The following RAB40C variants were observed in gnomAD, a reference collection of about 807,000 sequenced individuals.
RAB40C encodes ras-related protein Rab-40C.
A neutral mutation model predicts 28.1 loss-of-function variants in RAB40C; 8 were observed. The observed-to-expected ratio is 0.28, with a 90% CI of 0.17 to 0.51. The LOEUF (loss-of-function observed/expected upper bound fraction) is 0.51, where lower values mean the gene tolerates loss of function less well. Among genes scored for constraint, RAB40C ranks in the 20% least tolerant of loss-of-function variants. The pLI, the probability that RAB40C is intolerant of heterozygous loss-of-function variation, is 0.97. For synonymous variants in RAB40C, 201 were observed against 171.7 expected (o/e 1.17, Z -1.34); for missense variants, 288 against 405.9 (o/e 0.71, Z 2.50).
intron 2 of RAB40C, among the ~76,000 whole-genome samples, chr16:617,885 G>C (rs2036620431): frequency 1.3e-5 from 2 of 152,158 alleles, no homozygotes; most frequent in Non-Finnish European, 1.5e-5. Context: ...CGTCAGCGTT[G>C]ATGAGACGTG....
Position 599,304 on chromosome 16 carries a change from C to G in RAB40C, c.142+8871C>G, listed in dbSNP as rs2036199644. 2.6e-5 allele frequency among the ~76,000 whole-genome samples: 4 copies of G among 152,356 alleles called. No individual in the cohort carries two copies. The South Asian group carries it at 8.3e-4, about 32-fold the overall frequency. On this transcript the variant is annotated intron_variant, in intron 1 of 5. Transcript: ENST00000248139. ...TCCTCAGGCTCTGCCAAGGCAGTGTCAGGCTGATGCCTGCCCGTGTCGGCC... is the reference window on the plus strand; with the variant it reads ...TCCTCAGGCTCTGCCAAGGCAGTGTGAGGCTGATGCCTGCCCGTGTCGGCC...
intron 2 of RAB40C, among the ~76,000 whole-genome samples, chr16:617,646 A>G (rs12924371): frequency 6.6e-6 from 1 of 152,066 alleles, no homozygotes; most frequent in African/African-American, 2.4e-5. Context: ...AGTCCAAGAC[A>G]AGCCTGGCCA....
intron 1 of RAB40C, among the ~76,000 whole-genome samples, chr16:598,740 CAAAAAAT>C (rs1301320544): frequency 2.0e-5 from 3 of 151,452 alleles, no homozygotes; most frequent in South Asian, 4.2e-4. Flanking sequence ...GACCCTGTCT[CAAAAAAT>C]AAAAAATAAA....
At position 627,948 on chromosome 16, in the gene RAB40C, T is replaced by G; in HGVS notation, c.*326T>G. On this transcript the variant is annotated 3_prime_UTR_variant, in exon 6 of 6. Coordinates refer to ENST00000248139, the MANE Select transcript of RAB40C (RefSeq NM_021168.5). ...ATATAGAGAACACTTCACTTTTTTG[T>G]ACATTTTTAAGGGGCCTTCAGGGAA... 1 of 297,664 alleles carries G rather than the reference T, an allele frequency of 3.4e-6. No homozygotes were observed. The highest frequency in any genetic ancestry group is 6.2e-6 in the Non-Finnish European group (1 of 161,752). 18.4% of individuals were successfully genotyped at this position (297,664 alleles called of 1,614,324 possible). A position where few individuals can be genotyped will look rare whatever the true frequency, so the allele number is the denominator to read the frequency against.
In RAB40C at chr16:625,823, T is replaced by G; in HGVS notation, c.343-76T>G. The G allele has an allele frequency of 3.7e-6, 5 of 1,362,706 alleles. No homozygotes were observed. The South Asian group carries it at 5.3e-5, about 14-fold the overall frequency. 84.4% of individuals were successfully genotyped at this position (1,362,706 alleles called of 1,614,324 possible). A position where few individuals can be genotyped will look rare whatever the true frequency, so the allele number is the denominator to read the frequency against. ...CCTCACCCCATCATAGTCCAGACAA[T>G]GAGGGCGGGCCCTGCTGCGGCTGAG... is the stretch of plus-strand genomic sequence containing the variant. On this transcript the variant is annotated intron_variant, in intron 4 of 5. Transcript: ENST00000248139.
intron 3 of RAB40C, chr16:624,768 C>G: frequency 2.3e-5 from 23 of 985,414 alleles, no homozygotes; most frequent in Non-Finnish European, 2.5e-5. Flanking sequence ...TGTGATGTCA[C>G]CGTTTCGCCC....
At chr16:623,962 T>C (rs2036774237) in intron 3 of RAB40C, 1 of 985,400 alleles carries the variant, frequency 1.0e-6, no homozygotes, top group Non-Finnish European at 1.2e-6. Flanking sequence ...CCATCCGCAG[T>C]GCTGGGACCT....
chr16:620,872 C>T (rs1272445577), intron 3 of RAB40C, among the ~76,000 whole-genome samples: 1 of 152,048 alleles, frequency 6.6e-6, no homozygotes, highest in Non-Finnish European at 1.5e-5. Context: ...AGCTCCCACA[C>T]AGGGAGGTCT....
rs1187441626 is a variant in RAB40C at position 610,592 on chromosome 16, A to G, written c.143-6616A>G. Among the ~76,000 whole-genome samples the G allele has an allele frequency of 6.6e-6, 1 of 152,200 alleles. No individual in the cohort carries two copies. The highest frequency in any genetic ancestry group is 1.5e-5 in the Non-Finnish European group (1 of 68,026). ...ACAGCACACCAAGAGAATATGTCAC[A>G]GCTGATGCCTAGGGACCCCCTTATG... On this transcript the variant is annotated intron_variant, in intron 1 of 5. Coordinates refer to ENST00000248139, the MANE Select transcript of RAB40C (RefSeq NM_021168.5). The surrounding 1 kb of genome is among the most constrained non-coding windows in gnomAD (Gnocchi z 4.6).
chr16:627,514 G>A lies in RAB40C; in HGVS notation c.738G>A (p.Gly246=), dbSNP rs1363481507. The A allele has an allele frequency of 1.9e-6, 3 of 1,613,752 alleles. No homozygotes were observed. The highest frequency in any genetic ancestry group is 3.3e-5 in the Admixed American group (2 of 60,028). The part of the protein sequence containing the change: ...MHGRSYSLAS[G]AGGGGSKGNS... Reference sequence around the variant, plus strand: ...GCCGTTCCTACTCCCTGGCCAGCGGGGCCGGGGGCGGCGGCAGCAAGGGCA... The same window carrying A: ...GCCGTTCCTACTCCCTGGCCAGCGGAGCCGGGGGCGGCGGCAGCAAGGGCA... The change falls in exon 6 of 6, where the codon GGG becomes GGA. Residue 246 remains glycine (G), a synonymous_variant. Transcript: ENST00000248139.
rs868085653 is a variant in RAB40C at position 599,623 on chromosome 16, G to A, written c.142+9190G>A. On this transcript the variant is annotated intron_variant, in intron 1 of 5. Coordinates refer to ENST00000248139, the MANE Select transcript of RAB40C (RefSeq NM_021168.5). ...GTCAGCGTGGATTCAGCAAGGTTTT[G>A]TTACCTCGTGGCATTAATCAGCGTG... is the stretch of plus-strand genomic sequence containing the variant. 2.7e-5 allele frequency among the ~76,000 whole-genome samples: 4 copies of A among 147,102 alleles called. No individual in the cohort carries two copies. The East Asian group carries it at 8.3e-4, about 31-fold the overall frequency.
intron 1 of RAB40C, among the ~76,000 whole-genome samples, chr16:601,556 C>G (rs1729311162): frequency 6.6e-6 from 1 of 152,062 alleles, no homozygotes; most frequent in Non-Finnish European, 1.5e-5. Context: ...GACTGTTCCC[C>G]TAGTCTCAGT....
chr16:597,473 C>CTT (rs568587117), intron 1 of RAB40C, among the ~76,000 whole-genome samples: 1 of 142,784 alleles, frequency 7.0e-6, no homozygotes, highest in Non-Finnish European at 1.5e-5. Flanking sequence ...CATCTAGCAT[C>CTT]TTTTTTTTTT....
chr16:600,800 G>GT (rs1567185649), intron 1 of RAB40C, among the ~76,000 whole-genome samples: 1 of 152,206 alleles, frequency 6.6e-6, no homozygotes, highest in African/African-American at 2.4e-5. Flanking sequence ...CACACAGACA[G>GT]TTTAACACAT....
chr16:594,948 T>G (rs2036081698), intron 1 of RAB40C, among the ~76,000 whole-genome samples: 1 of 151,752 alleles, frequency 6.6e-6, no homozygotes, highest in South Asian at 2.1e-4. Flanking sequence ...GCCTCCTGAG[T>G]AGCTGGGATT....
At chr16:607,517 C>G (rs138695547) in intron 1 of RAB40C, among the ~76,000 whole-genome samples, 1,571 of 143,852 alleles carry the variant, frequency 0.011, 28 homozygotes, top group African/African-American at 0.03. Flanking sequence ...AAAAAAAAAA[C>G]GGGGGGCCGG....
chr16:621,444 G>A (rs931197063), intron 3 of RAB40C, among the ~76,000 whole-genome samples: 3 of 152,216 alleles, frequency 2.0e-5, no homozygotes, highest in Non-Finnish European at 2.9e-5. Context: ...GAAGGTCCCC[G>A]CGGCCTGGGT....
At chr16:598,442 C>A (rs1007853505) in intron 1 of RAB40C, among the ~76,000 whole-genome samples, 6 of 150,286 alleles carry the variant, frequency 4.0e-5, no homozygotes, top group African/African-American at 1.5e-4. Context: ...ATACCTGTAG[C>A]CCCAACTACT....
chr16:601,575 T>C (rs1366552700), intron 1 of RAB40C, among the ~76,000 whole-genome samples: 1 of 152,114 alleles, frequency 6.6e-6, no homozygotes, highest in African/African-American at 2.4e-5. Context: ...GTCAGTTCAC[T>C]AGGGCCATGC....
Sources: allele counts gnomAD v4.1 joint callset (sites outside exome capture counted in the v4.1 genomes callset), GRCh38; gene constraint gnomAD v4.1.1; non-coding constraint Gnocchi (gnomAD v3.1); transcripts MANE v1.5; gene names NCBI Gene and HGNC (gene_info 2026-07-23, HGNC 2026-07-21).